KCND2: variants seen among roughly 807,000 people sequenced by gnomAD.
KCND2 encodes A-type voltage-gated potassium channel KCND2.
KCND2 carries 16 observed loss-of-function variants against 54.4 expected under a neutral mutation model. That is an observed-to-expected ratio of 0.29 (90% CI 0.20 to 0.45). The LOEUF is 0.45. Among genes scored for constraint, KCND2 ranks in the 20% least tolerant of loss-of-function variants. KCND2 has a pLI of 1.00. For synonymous variants in KCND2, 317 were observed against 310.7 expected, an observed-to-expected ratio of 1.02 and a Z score of -0.21; for missense variants, 486 against 824.2, an observed-to-expected ratio of 0.59 and a Z score of 5.02.
At chr7:120,314,842 A>T (rs1392685074) in intron 1 of KCND2, among the ~76,000 whole-genome samples, 2 of 152,310 alleles carry the variant, frequency 1.3e-5, no homozygotes, top group African/African-American at 2.4e-5. Flanking sequence ...AATGTTATTT[A>T]AAAAAATTTA....
chr7:120,458,267 G>T (rs537620607), intron 1 of KCND2, among the ~76,000 whole-genome samples: 139 of 152,284 alleles, frequency 9.1e-4, no homozygotes, highest in Non-Finnish European at 1.7e-3. Flanking sequence ...TTTTTATGTA[G>T]GTCCTTGTAG....
Position 120,351,244 on chromosome 7 carries a change from G to GTATATATATA in KCND2, c.1115+75511_1115+75520dup, listed in dbSNP as rs3067025. On this transcript the variant is annotated intron_variant, in intron 1 of 5. Coordinates refer to ENST00000331113, the MANE Select transcript of KCND2 (RefSeq NM_012281.3). ...CATCATATTATATATTTATATGTGTGTATATATATATATATATATATATCC... is the reference window on the plus strand; with the variant it reads ...CATCATATTATATATTTATATGTGTGTATATATATATATATATATATATATATATATATCC... Among the ~76,000 whole-genome samples the GTATATATATA allele has an allele frequency of 8.7e-3, 1,201 of 137,298 alleles. 20 individuals carry two copies. Among genetic ancestry groups the GTATATATATA allele is most frequent in the Admixed American group, 0.041 (552 of 13,316 alleles). The allele number at this position is 137,298 out of a possible 152,430, so 90.1% of individuals were successfully genotyped here. A position where few individuals can be genotyped will look rare whatever the true frequency, so the allele number is the denominator to read the frequency against.
chr7:120,516,894 G>A (rs1272400286), intron 1 of KCND2, among the ~76,000 whole-genome samples: 3 of 152,184 alleles, frequency 2.0e-5, no homozygotes, highest in East Asian at 3.9e-4. Flanking sequence ...ATGTGAACAG[G>A]CTCTAGAGAA....
chr7:120,617,962 G>A (rs1042650640), intron 1 of KCND2, among the ~76,000 whole-genome samples: 1 of 152,090 alleles, frequency 6.6e-6, no homozygotes, highest in African/African-American at 2.4e-5. Flanking sequence ...TAAACACTGA[G>A]TACACGTAAA....
At chr7:120,323,345 C>T (rs1032324201) in intron 1 of KCND2, among the ~76,000 whole-genome samples, 2 of 151,902 alleles carry the variant, frequency 1.3e-5, no homozygotes, top group Admixed American at 6.6e-5. Context: ...ATGAGCACAA[C>T]GTGCAGGTTA....
At chr7:120,383,462 G>A (rs1415116967) in intron 1 of KCND2, among the ~76,000 whole-genome samples, 1 of 150,772 alleles carries the variant, frequency 6.6e-6, no homozygotes. Flanking sequence ...TAAACTATTG[G>A]AGAATTTTAA....
intron 1 of KCND2, among the ~76,000 whole-genome samples, chr7:120,369,020 A>C (rs957830928): frequency 6.6e-6 from 1 of 151,984 alleles, no homozygotes; most frequent in Admixed American, 6.6e-5. Context: ...AGAGTTTGTT[A>C]ATGGTTGTTG....
At chr7:120,605,256 C>T (rs1425501295) in intron 1 of KCND2, among the ~76,000 whole-genome samples, 1 of 152,192 alleles carries the variant, frequency 6.6e-6, no homozygotes, top group East Asian at 1.9e-4. Context: ...TGTCAATCAC[C>T]ACTTTACTCT....
At chr7:120,677,826 A>G (rs763284848) in intron 1 of KCND2, among the ~76,000 whole-genome samples, 4 of 152,076 alleles carry the variant, frequency 2.6e-5, no homozygotes, top group African/African-American at 9.7e-5. Context: ...TATAAATAAG[A>G]TATTTAATTC....
In KCND2 at chr7:120,278,208, A is replaced by G. The variant is rs2116249675; in HGVS notation, c.1115+2461A>G. ...TTGTACCCTGAAGAAACAGATTCTT[A>G]TAAGCCCTGCCTTTTTGGTGCCATC... On this transcript the variant is annotated intron_variant, in intron 1 of 5. Transcript: ENST00000331113. Among the ~76,000 whole-genome samples the G allele has an allele frequency of 2.0e-5, 3 of 152,078 alleles. No individual in the cohort carries two copies. The South Asian group carries it at 6.2e-4, about 32-fold the overall frequency.
chr7:120,511,178 C>T (rs1166139843), intron 1 of KCND2, among the ~76,000 whole-genome samples: 1 of 151,982 alleles, frequency 6.6e-6, no homozygotes, highest in Non-Finnish European at 1.5e-5. Context: ...TGGAGAACTC[C>T]ATGGTTCACT....
chr7:120,545,921 A>G (rs934508082), intron 1 of KCND2, among the ~76,000 whole-genome samples: 2 of 151,854 alleles, frequency 1.3e-5, no homozygotes, highest in African/African-American at 4.8e-5. Context: ...CAGGTCATTA[A>G]TTTGTGAATT....
chr7:120,488,584 AACC>A (rs2116294641), intron 1 of KCND2, among the ~76,000 whole-genome samples: 1 of 152,260 alleles, frequency 6.6e-6, no homozygotes, highest in African/African-American at 2.4e-5. Flanking sequence ...ATATTATCGT[AACC>A]ACAACAGTAA....
At chr7:120,678,343 T>TTA (rs3067141) in intron 1 of KCND2, among the ~76,000 whole-genome samples, 13,891 of 120,006 alleles carry the variant, frequency 0.12, 999 homozygotes, top group Admixed American at 0.19. Flanking sequence ...GTATGATTAT[T>TTA]TATATATATA....
chr7:120,316,854 T>TTG lies in KCND2; in HGVS notation c.1115+41107_1115+41108insTG, dbSNP rs1554426246. Among the ~76,000 whole-genome samples the TTG allele has an allele frequency of 6.7e-5, 10 of 148,508 alleles. No homozygotes were observed. The East Asian group carries it at 8.0e-4, about 12-fold the overall frequency. Reference sequence around the variant, plus strand: ...AATTGCAGATAATTTTTTTTTTTTTTGGGACGAGGTCTCACTTCATCACCA... The same window carrying TTG: ...AATTGCAGATAATTTTTTTTTTTTTTTGGGGACGAGGTCTCACTTCATCACCA... On this transcript the variant is annotated intron_variant, in intron 1 of 5. Coordinates refer to ENST00000331113, the MANE Select transcript of KCND2 (RefSeq NM_012281.3).
At chr7:120,725,021 AAC>A (rs1346013654) in intron 1 of KCND2, among the ~76,000 whole-genome samples, 1 of 152,194 alleles carries the variant, frequency 6.6e-6, no homozygotes, top group Non-Finnish European at 1.5e-5. Context: ...TTCCATTTAT[AAC>A]CTTTAAAGCC....
intron 1 of KCND2, among the ~76,000 whole-genome samples, chr7:120,367,556 T>C (rs1409049008): frequency 6.8e-6 from 1 of 146,826 alleles, no homozygotes; most frequent in Non-Finnish European, 1.5e-5. Flanking sequence ...TTTCAGAAAA[T>C]CCATAGTTAA....
At chr7:120,567,685 A>G (rs1792314790) in intron 1 of KCND2, among the ~76,000 whole-genome samples, 2 of 152,282 alleles carry the variant, frequency 1.3e-5, no homozygotes, top group East Asian at 1.9e-4. Context: ...GCTTCCTGAC[A>G]TGATAATTAT....
rs181612909 is a variant in KCND2 at position 120,646,559 on chromosome 7, C to T, written c.1116-86344C>T. On this transcript the variant is annotated intron_variant, in intron 1 of 5. Coordinates refer to ENST00000331113, the MANE Select transcript of KCND2 (RefSeq NM_012281.3). The stretch of plus-strand genomic sequence containing the variant: ...CATCACCCTTCTTCATGGTTTTTGC[C>T]TATGGCAACATGCAGTGAAAAGGTT... Among the ~76,000 whole-genome samples the T allele has an allele frequency of 1.4e-3, 217 of 152,072 alleles. 2 individuals carry two copies. Among genetic ancestry groups the T allele is most frequent in the African/African-American group, 5.1e-3 (213 of 41,476 alleles).
Sources: gnomAD v4.1 joint callset for allele counts (sites outside exome capture counted in the v4.1 genomes callset) on GRCh38, gnomAD v4.1.1 for gene constraint, MANE v1.5 for transcripts, NCBI Gene and HGNC (gene_info 2026-07-23, HGNC 2026-07-21) for gene names.